The following SLC2A13 variants were observed in gnomAD, a reference collection of about 807,000 sequenced individuals.
The protein encoded by SLC2A13 is solute carrier family 2 member 13, also known as proton myo-inositol cotransporter.
SLC2A13 carries 32 observed loss-of-function variants against 64.4 expected under a neutral mutation model. That is an observed-to-expected ratio of 0.50 (90% CI 0.37 to 0.67). The LOEUF is 0.67. Ranked by LOEUF, SLC2A13 falls within the 30% of genes least tolerant of loss-of-function variation. The pLI is 0.00. For synonymous variants in SLC2A13, 338 were observed against 327.1 expected (o/e 1.03, Z -0.36); for missense variants, 743 against 829.2 (o/e 0.90, Z 1.28).
In SLC2A13 at chr12:39,909,861, T is replaced by TA. The variant is rs1376155530; in HGVS notation, c.1035-37901_1035-37900insT. ...TTTCATTACTCTTCTTACAGTTTGT[T>TA]TTTTTTTTTTTTTAAGAGAGTAAAT... On this transcript the variant is annotated intron_variant, in intron 4 of 9. Coordinates refer to ENST00000280871, the MANE Select transcript of SLC2A13 (RefSeq NM_052885.4). Among the ~76,000 whole-genome samples the TA allele has an allele frequency of 7.1e-4, 105 of 147,954 alleles. 2 individuals carry two copies. The highest frequency in any genetic ancestry group is 9.0e-5 in the Non-Finnish European group (6 of 66,412).
At chr12:40,086,675 C>G (rs1938596376) in intron 1 of SLC2A13, among the ~76,000 whole-genome samples, 1 of 152,186 alleles carries the variant, frequency 6.6e-6, no homozygotes, top group Admixed American at 6.5e-5. Flanking sequence ...ACAAGACATG[C>G]ATTGTTGTCT....
intron 1 of SLC2A13, among the ~76,000 whole-genome samples, chr12:40,076,760 C>A (rs1443835363): frequency 6.6e-6 from 1 of 152,170 alleles, no homozygotes; most frequent in African/African-American, 2.4e-5. Flanking sequence ...ATTTACATTA[C>A]CACCACCAGC....
intron 2 of SLC2A13, among the ~76,000 whole-genome samples, chr12:40,037,487 C>T (rs1350908760): frequency 1.3e-5 from 2 of 151,714 alleles, no homozygotes; most frequent in African/African-American, 2.4e-5. Flanking sequence ...GGTGTGGTTG[C>T]ATGTGCCTGT....
At chr12:39,828,414 A>T (rs1403997699) in intron 7 of SLC2A13, among the ~76,000 whole-genome samples, 1 of 152,118 alleles carries the variant, frequency 6.6e-6, no homozygotes, top group Non-Finnish European at 1.5e-5. Flanking sequence ...TAAAAATACA[A>T]ATAAAATGTA....
chr12:39,785,074 C>A (rs1331406210), intron 7 of SLC2A13, among the ~76,000 whole-genome samples: 1 of 152,122 alleles, frequency 6.6e-6, no homozygotes, highest in South Asian at 2.1e-4. Flanking sequence ...AAATTCAAGC[C>A]GGCTGCAGAA....
chr12:39,950,070 G>A (rs1946201860), intron 4 of SLC2A13: 1 of 152,194 alleles, frequency 6.6e-6, no homozygotes, highest in Non-Finnish European at 1.5e-5. Flanking sequence ...AAGTTCAACA[G>A]GGATTATGAT....
chr12:39,964,092 T>C (rs1946463193), intron 3 of SLC2A13, among the ~76,000 whole-genome samples: 1 of 152,172 alleles, frequency 6.6e-6, no homozygotes, highest in South Asian at 2.1e-4. Flanking sequence ...TCTGTCAGCA[T>C]GATTCTCAGA....
intron 7 of SLC2A13, among the ~76,000 whole-genome samples, chr12:39,779,981 C>A (rs1475479377): frequency 6.6e-6 from 1 of 152,164 alleles, no homozygotes; most frequent in African/African-American, 2.4e-5. Context: ...TCTTTTCAAT[C>A]CATTTTATAG....
At position 40,004,539 on chromosome 12, in the gene SLC2A13, G is replaced by A. The variant is rs112621596; in HGVS notation, c.925+23762C>T. On this transcript the variant is annotated intron_variant, in intron 3 of 9. Coordinates refer to ENST00000280871, the MANE Select transcript of SLC2A13 (RefSeq NM_052885.4). ...AATCACAGATTTTGGTATCTGAGGC[G>A]TATCCTGGAATCAAGCCCCCATGGA... Among the ~76,000 whole-genome samples the A allele has an allele frequency of 1.2e-4, 18 of 151,912 alleles. 2 individuals carry two copies. The highest frequency in any genetic ancestry group is 3.1e-4 in the African/African-American group (13 of 41,406).
intron 4 of SLC2A13, among the ~76,000 whole-genome samples, chr12:39,932,993 G>C (rs953246539): frequency 1.3e-5 from 2 of 152,114 alleles, no homozygotes; most frequent in African/African-American, 4.8e-5. Flanking sequence ...TTGGGAGGCT[G>C]AGGTGGGTGG....
chr12:39,839,595 A>T (rs1187098470), intron 6 of SLC2A13, among the ~76,000 whole-genome samples: 1 of 151,908 alleles, frequency 6.6e-6, no homozygotes, highest in Non-Finnish European at 1.5e-5. Flanking sequence ...CAATGTTCTC[A>T]TCCCTTGTGC....
At chr12:40,069,034 T>C (rs1444326323) in intron 1 of SLC2A13, among the ~76,000 whole-genome samples, 1 of 152,154 alleles carries the variant, frequency 6.6e-6, no homozygotes, top group Non-Finnish European at 1.5e-5. Context: ...CAGTCTTGCA[T>C]ACATTTATGC....
chr12:40,013,761 C>A (rs1396230521), intron 3 of SLC2A13, among the ~76,000 whole-genome samples: 1 of 152,170 alleles, frequency 6.6e-6, no homozygotes, highest in African/African-American at 2.4e-5. Flanking sequence ...CTTACGTGTG[C>A]GGCCCTACGC....
intron 3 of SLC2A13, among the ~76,000 whole-genome samples, chr12:39,967,989 C>A (rs1946553607): frequency 6.6e-6 from 1 of 152,164 alleles, no homozygotes; most frequent in South Asian, 2.1e-4. Context: ...CCTCACTTTG[C>A]AAATTACCTC....
rs1208809852 is a variant in SLC2A13, at chr12:39,801,109, G to C, written c.1445+28994C>G. Reference sequence around the variant, plus strand: ...TGGGGACTGTGGTGGGGTCAGGGGAGGGGGGAGGGATAGCATTGGGAGATA... The same window carrying C: ...TGGGGACTGTGGTGGGGTCAGGGGACGGGGGAGGGATAGCATTGGGAGATA... On this transcript the variant is annotated intron_variant, in intron 7 of 9. Coordinates refer to ENST00000280871, the MANE Select transcript of SLC2A13 (RefSeq NM_052885.4). Among the ~76,000 whole-genome samples, 5 of 65,066 alleles carry C rather than the reference G, an allele frequency of 7.7e-5. No individual in the cohort carries two copies. In the East Asian group the frequency reaches 1.6e-3, roughly 20 times the overall value. The allele number at this position is 65,066 out of a possible 152,430, so 42.7% of individuals were successfully genotyped here.
intron 4 of SLC2A13, among the ~76,000 whole-genome samples, chr12:39,948,975 G>C (rs1946184876): frequency 6.6e-6 from 1 of 152,062 alleles, no homozygotes; most frequent in Admixed American, 6.6e-5. Context: ...CCTTAATCTT[G>C]AGAATAATGG....
Position 40,087,444 on chromosome 12 carries a change from TGAAAAAAC to T in SLC2A13, c.556+17801_556+17808del, listed in dbSNP as rs1032827864. On this transcript the variant is annotated intron_variant, in intron 1 of 9. Coordinates refer to ENST00000280871, the MANE Select transcript of SLC2A13 (RefSeq NM_052885.4). ...ATATCAAAACGCTTTAAGCTTTAAA[TGAAAAAAC>T]TGAGTTTTTAAGACCCCTGTGGCTT... Among the ~76,000 whole-genome samples, 10 of 152,296 alleles carry T rather than the reference TGAAAAAAC, an allele frequency of 6.6e-5. No homozygotes were observed. The East Asian group carries it at 1.7e-3, about 26-fold the overall frequency.
At chr12:40,028,007 C>G (rs550818122) in intron 3 of SLC2A13, among the ~76,000 whole-genome samples, 1 of 152,186 alleles carries the variant, frequency 6.6e-6, no homozygotes, top group Non-Finnish European at 1.5e-5. Context: ...ACATGAGGTA[C>G]TCATACGCTT....
Position 39,757,984 on chromosome 12 carries a change from T to C in SLC2A13, c.*2042A>G, listed in dbSNP as rs1472407324. The C allele has an allele frequency of 2.6e-5, 4 of 152,050 alleles. No individual in the cohort carries two copies. Among genetic ancestry groups the C allele is most frequent in the African/African-American group, 9.7e-5 (4 of 41,400 alleles). 9.4% of individuals were successfully genotyped at this position (152,050 alleles called of 1,614,324 possible). Reference sequence around the variant, plus strand: ...ATTATATTTTGATTGTACCATATAGTAGCTTATTTTTCACTTCAATTTACC... The same window carrying C: ...ATTATATTTTGATTGTACCATATAGCAGCTTATTTTTCACTTCAATTTACC... On this transcript the variant is annotated 3_prime_UTR_variant, in exon 10 of 10. Transcript: ENST00000280871.
Sources: gnomAD v4.1 joint callset for allele counts (sites outside exome capture counted in the v4.1 genomes callset) on GRCh38, gnomAD v4.1.1 for gene constraint, MANE v1.5 for transcripts, NCBI Gene and HGNC (gene_info 2026-07-23, HGNC 2026-07-21) for gene names.